PRKAG2: variants seen among roughly 807,000 people sequenced by gnomAD.
PRKAG2 encodes protein kinase AMP-activated non-catalytic subunit gamma 2, also known as 5'-AMP-activated protein kinase subunit gamma-2.
A neutral mutation model predicts 69.6 loss-of-function variants in PRKAG2; 26 were observed. That is an observed-to-expected ratio of 0.37 (90% CI 0.27 to 0.52). The LOEUF (loss-of-function observed/expected upper bound fraction) is 0.52. PRKAG2 is among the 20% of genes least tolerant of loss of function. PRKAG2 has a pLI of 0.90. For synonymous variants in PRKAG2, 293 were observed against 285.0 expected, an observed-to-expected ratio of 1.03 and a Z score of -0.28; for missense variants, 557 against 740.0, an observed-to-expected ratio of 0.75 and a Z score of 2.87.
At chr7:151,862,148 G>T (rs1278173433) in intron 1 of PRKAG2, among the ~76,000 whole-genome samples, 2 of 152,138 alleles carry the variant, frequency 1.3e-5, no homozygotes, top group Admixed American at 6.6e-5. Flanking sequence ...TCTCCAGGCA[G>T]AGGACCATCC....
intron 3 of PRKAG2, among the ~76,000 whole-genome samples, chr7:151,715,322 C>CAAAAAAAAAAAAAAAAAAAA (rs34971340): frequency 3.2e-5 from 2 of 62,458 alleles, no homozygotes; most frequent in African/African-American, 1.4e-4. Flanking sequence ...GGCCTAAAAG[C>CAAAAAAAAAAAAAAAAAAAA]AAAAAAAAAA....
intron 1 of PRKAG2, among the ~76,000 whole-genome samples, chr7:151,839,974 C>G (rs2079237777): frequency 1.3e-5 from 2 of 152,108 alleles, no homozygotes; most frequent in Non-Finnish European, 2.9e-5. Context: ...GGGCAGGGCT[C>G]AAGAGGGAGA....
chr7:151,570,127 T>G (rs1469089748), intron 10 of PRKAG2, 44 bp downstream of exon 10: 2 of 1,574,164 alleles, frequency 1.3e-6, no homozygotes, highest in Middle Eastern at 1.7e-4. Context: ...ATAAAACACA[T>G]ACATCTGAAT....
intron 5 of PRKAG2, among the ~76,000 whole-genome samples, chr7:151,627,248 T>C (rs2374230): frequency 0.15 from 22,694 of 152,132 alleles, 2,122 homozygotes; most frequent in African/African-American, 0.25. Context: ...TGAAAGACAA[T>C]GCTTTCTTTC....
At position 151,565,868 on chromosome 7, in the gene PRKAG2, C is replaced by T; in HGVS notation, c.1251G>A (p.Lys417=). Residue 417 remains lysine, a synonymous_variant, in exon 12 of 16, where the codon AAG becomes AAA. Transcript: ENST00000287878. The part of the protein sequence containing the change: ...FLQLFMSDMP[K]PAFMKQNLDE... ...CCAGGTTCTGCTTCATGAAGGCAGG[C>T]TTTGGCATATCAGACATCTAAACGG... The T allele has an allele frequency of 6.2e-7, 1 of 1,613,736 alleles. No homozygotes were observed. The highest frequency in any genetic ancestry group is 1.1e-5 in the South Asian group (1 of 91,074).
chr7:151,725,204 A>C (rs1797737504), intron 3 of PRKAG2, among the ~76,000 whole-genome samples: 1 of 152,106 alleles, frequency 6.6e-6, no homozygotes, highest in Non-Finnish European at 1.5e-5. Context: ...CTCAGCCTTA[A>C]AAAAGAGGGG....
At chr7:151,747,750 T>C (rs558498101) in intron 3 of PRKAG2, among the ~76,000 whole-genome samples, 4 of 152,154 alleles carry the variant, frequency 2.6e-5, no homozygotes, top group Admixed American at 2.6e-4. Flanking sequence ...AAAACAAAAG[T>C]CATTCTACCA....
rs181496166 is a variant in PRKAG2 at position 151,660,514 on chromosome 7, G to A, written c.684+14906C>T. On this transcript the variant is annotated intron_variant, in intron 4 of 15. Transcript: ENST00000287878. ...GCTCTCCAGGCTATATGTAACATTC[G>A]TTGTTTACTATATTAGAACCAGTAG... 2.0e-4 allele frequency among the ~76,000 whole-genome samples: 30 copies of A among 152,090 alleles called. 1 individual carries two copies. The highest frequency in any genetic ancestry group is 4.1e-4 in the South Asian group (2 of 4,824).
intron 1 of PRKAG2, among the ~76,000 whole-genome samples, chr7:151,861,366 A>G (rs573356607): frequency 6.6e-6 from 1 of 152,018 alleles, no homozygotes; most frequent in African/African-American, 2.4e-5. Flanking sequence ...CATCTCTACT[A>G]AAAATACAAA....
chr7:151,862,998 AG>A (rs1440253021), intron 1 of PRKAG2, among the ~76,000 whole-genome samples: 1 of 133,404 alleles, frequency 7.5e-6, no homozygotes, highest in East Asian at 2.3e-4. Flanking sequence ...CCTGGGGTGC[AG>A]GGGGTGCTGG....
At chr7:151,820,454 C>T (rs986648725) in intron 1 of PRKAG2, among the ~76,000 whole-genome samples, 1 of 145,112 alleles carries the variant, frequency 6.9e-6, no homozygotes, top group Non-Finnish European at 1.5e-5. Context: ...GTGGCCTGGC[C>T]CCTGTGGCTT....
intron 3 of PRKAG2, among the ~76,000 whole-genome samples, chr7:151,753,173 T>A (rs969459256): frequency 5.9e-5 from 9 of 152,222 alleles, no homozygotes; most frequent in Admixed American, 5.9e-4. Flanking sequence ...ATGAAGAGAC[T>A]GAAGAGAAAG....
In PRKAG2 at chr7:151,874,011, AGTATATGTATATGAT is replaced by A. The variant is rs1238804348; in HGVS notation, c.114+2481_114+2495del. On this transcript the variant is annotated intron_variant, in intron 1 of 15. Coordinates refer to ENST00000287878, the MANE Select transcript of PRKAG2 (RefSeq NM_016203.4). ...TATATGTATATGATGTATATGTATA[AGTATATGTATATGAT>A]GTATATGTATATGATGTATATGTAT... Among the ~76,000 whole-genome samples the A allele has an allele frequency of 1.4e-3, 195 of 141,276 alleles. 3 individuals carry two copies. Among genetic ancestry groups the A allele is most frequent in the African/African-American group, 5.1e-3 (183 of 36,092 alleles). The allele number at this position is 141,276 out of a possible 152,430, so 92.7% of individuals were successfully genotyped here.
In PRKAG2 at chr7:151,777,550, G is replaced by A. The variant is rs1477417042; in HGVS notation, c.466+3602C>T. 6.6e-6 allele frequency among the ~76,000 whole-genome samples: 1 copy of A among 152,130 alleles called. No homozygotes were observed. The highest frequency in any genetic ancestry group is 2.4e-5 in the African/African-American group (1 of 41,418). On this transcript the variant is annotated intron_variant, in intron 3 of 15. Coordinates refer to ENST00000287878, the MANE Select transcript of PRKAG2 (RefSeq NM_016203.4). This position sits in a 1 kb window ranked among gnomAD's most constrained non-coding sequence, Gnocchi z 4.3. ...CTCTCTCTTGCTCCCTTGCGTGTGA[G>A]CTCTGCATACCCCGGCTTTCCTTCG...
intron 4 of PRKAG2, among the ~76,000 whole-genome samples, chr7:151,637,723 T>TA (rs1554511272): frequency 5.3e-5 from 8 of 151,304 alleles, no homozygotes; most frequent in South Asian, 2.1e-4. Flanking sequence ...TTTTTTTTTT[T>TA]ATAACACACT....
At chr7:151,716,137 C>T (rs1322441322) in intron 3 of PRKAG2, among the ~76,000 whole-genome samples, 2 of 152,102 alleles carry the variant, frequency 1.3e-5, no homozygotes, top group Non-Finnish European at 2.9e-5. Flanking sequence ...TTGCCTAATA[C>T]AAGTTTAAGA....
rs142335636 is a variant in PRKAG2 at position 151,657,316 on chromosome 7, G to T, written c.684+18104C>A. On this transcript the variant is annotated intron_variant, in intron 4 of 15. Coordinates refer to ENST00000287878, the MANE Select transcript of PRKAG2 (RefSeq NM_016203.4). The stretch of plus-strand genomic sequence containing the variant: ...AGCTTGCACCTTTCCTCTCTCGGTA[G>T]TTCTGGCTCTGAGTCCCAGCTATGC... 4.6e-5 allele frequency among the ~76,000 whole-genome samples: 7 copies of T among 152,314 alleles called. No individual in the cohort carries two copies. The East Asian group carries it at 1.4e-3, about 29-fold the overall frequency.
intron 1 of PRKAG2, among the ~76,000 whole-genome samples, chr7:151,863,165 C>T (rs575918959): frequency 2.6e-5 from 4 of 151,022 alleles, no homozygotes; most frequent in Middle Eastern, 3.4e-3. Context: ...GTACAGGGGG[C>T]GCTGGTAGAT....
chr7:151,860,326 C>G (rs1361289028), intron 1 of PRKAG2, among the ~76,000 whole-genome samples: 1 of 152,192 alleles, frequency 6.6e-6, no homozygotes, highest in Non-Finnish European at 1.5e-5. Flanking sequence ...ACCAGAACTT[C>G]TTGCAAACAT....
Sources: gnomAD v4.1 joint callset for allele counts (sites outside exome capture counted in the v4.1 genomes callset) on GRCh38, gnomAD v4.1.1 for gene constraint, Gnocchi (gnomAD v3.1) non-coding constraint, MANE v1.5 for transcripts, NCBI Gene and HGNC (gene_info 2026-07-23, HGNC 2026-07-21) for gene names.